DCC: variants seen among roughly 807,000 people sequenced by gnomAD.
DCC encodes netrin receptor DCC.
Under a neutral mutation model 172.5 loss-of-function variants are expected in DCC, and 58 were observed. The ratio of observed to expected loss-of-function variants is 0.34; its 90% confidence interval spans 0.27 to 0.42. The LOEUF is 0.42. Ranked by LOEUF, DCC falls within the 10% of genes least tolerant of loss-of-function variation. DCC has a pLI of 1.00. For missense variants in DCC, 1,740 were observed against 1,791.0 expected, an observed-to-expected ratio of 0.97 and a Z score of 0.51; for synonymous variants, 709 against 644.5, an observed-to-expected ratio of 1.10 and a Z score of -1.52.
At chr18:53,518,680 A>G (rs1194751536) in intron 27 of DCC, among the ~76,000 whole-genome samples, 1 of 152,076 alleles carries the variant, frequency 6.6e-6, no homozygotes, top group African/African-American at 2.4e-5. Context: ...AGCGATGCTC[A>G]CTTAATTAGT....
chr18:53,069,140 G>A (rs962711396), intron 7 of DCC, among the ~76,000 whole-genome samples: 1 of 152,082 alleles, frequency 6.6e-6, no homozygotes, highest in African/African-American at 2.4e-5. Context: ...CCTAATGGCA[G>A]GATTTATGGT....
chr18:52,906,864 T>TA (rs977706633), intron 3 of DCC, among the ~76,000 whole-genome samples: 1 of 145,174 alleles, frequency 6.9e-6, no homozygotes, highest in African/African-American at 2.5e-5. Context: ...TGTTTTTTTT[T>TA]ACCAATAAAT....
chr18:53,046,630 A>G (rs1390977250), intron 5 of DCC, among the ~76,000 whole-genome samples: 3 of 151,998 alleles, frequency 2.0e-5, no homozygotes, highest in Non-Finnish European at 2.9e-5. Context: ...AGGCAATACA[A>G]GAACCACTCC....
At chr18:52,526,217 G>A (rs2031975017) in intron 1 of DCC, among the ~76,000 whole-genome samples, 1 of 152,160 alleles carries the variant, frequency 6.6e-6, no homozygotes, top group South Asian at 2.1e-4. Flanking sequence ...AGGCCCAGTG[G>A]AGAGAAAGAA....
At chr18:53,434,780 A>G (rs2145117205) in intron 21 of DCC, among the ~76,000 whole-genome samples, 1 of 152,300 alleles carries the variant, frequency 6.6e-6, no homozygotes, top group East Asian at 1.9e-4. Flanking sequence ...TGCAGGACCT[A>G]GGAGCCAGGA....
intron 1 of DCC, among the ~76,000 whole-genome samples, chr18:52,562,642 G>A (rs1051541964): frequency 1.2e-4 from 18 of 151,944 alleles, no homozygotes; most frequent in Admixed American, 3.9e-4. Context: ...CACTGTTGCC[G>A]CACACTATGA....
At chr18:52,515,343 C>T (rs1161052306) in intron 1 of DCC, among the ~76,000 whole-genome samples, 3 of 151,888 alleles carry the variant, frequency 2.0e-5, no homozygotes, top group African/African-American at 7.3e-5. Context: ...TGTGGTGGCT[C>T]ACGCCTGTAA....
intron 5 of DCC, among the ~76,000 whole-genome samples, chr18:53,012,361 TTGA>T (rs2041742692): frequency 6.6e-6 from 1 of 151,916 alleles, no homozygotes; most frequent in Admixed American, 6.6e-5. Context: ...AATGCACAAA[TTGA>T]TGTACACTAC....
rs2038876926 is a variant in DCC, at chr18:52,845,734, C to A, written c.413-60310C>A. Among the ~76,000 whole-genome samples, 3 of 152,320 alleles carry A rather than the reference C, an allele frequency of 2.0e-5. No individual in the cohort carries two copies. In the South Asian group the frequency reaches 6.2e-4, roughly 32 times the overall value. On this transcript the variant is annotated intron_variant, in intron 2 of 28. Coordinates refer to ENST00000442544, the MANE Select transcript of DCC (RefSeq NM_005215.4). ...ACTTCAGGCAAATTAAATTTAACAG[C>A]ATTTATTTGAGTAAAGATCAAGTCA...
intron 18 of DCC, 65 bp downstream of exon 18, chr18:53,397,511 G>A (rs1909029129): frequency 1.3e-6 from 2 of 1,564,756 alleles, no homozygotes; most frequent in Middle Eastern, 1.7e-4. Flanking sequence ...GTGGAAATTA[G>A]AACATGTGTT....
At chr18:52,913,595 G>T (rs778758061) in intron 3 of DCC, among the ~76,000 whole-genome samples, 2 of 151,846 alleles carry the variant, frequency 1.3e-5, no homozygotes, top group Non-Finnish European at 2.9e-5. Flanking sequence ...ACTATTTCCT[G>T]TAAGTTCAAA....
At chr18:52,869,542 A>C (rs953147755) in intron 2 of DCC, among the ~76,000 whole-genome samples, 2 of 152,182 alleles carry the variant, frequency 1.3e-5, no homozygotes, top group African/African-American at 2.4e-5. Context: ...CCTGGCTTGA[A>C]GGTGGGGCCT....
At chr18:53,002,361 CT>C (rs1184565046) in intron 5 of DCC, among the ~76,000 whole-genome samples, 1 of 152,086 alleles carries the variant, frequency 6.6e-6, no homozygotes, top group Admixed American at 6.6e-5. Context: ...ATAAATGCCC[CT>C]GACAATACAG....
intron 16 of DCC, among the ~76,000 whole-genome samples, chr18:53,388,966 T>G (rs1321314503): frequency 6.6e-6 from 1 of 152,056 alleles, no homozygotes; most frequent in Non-Finnish European, 1.5e-5. Flanking sequence ...GTTTGTTTGT[T>G]TGAGATGGAG....
intron 1 of DCC, among the ~76,000 whole-genome samples, chr18:52,712,089 T>C (rs2036302389): frequency 6.6e-6 from 1 of 152,024 alleles, no homozygotes; most frequent in African/African-American, 2.4e-5. Context: ...GCCTCCTGAG[T>C]AGCTGGGACT....
chr18:52,814,881 G>C (rs2145256959), intron 2 of DCC, among the ~76,000 whole-genome samples: 1 of 152,288 alleles, frequency 6.6e-6, no homozygotes, highest in African/African-American at 2.4e-5. Context: ...GGTACAGTGA[G>C]TGATTAGGAC....
chr18:52,962,028 C>T (rs1441757059), intron 5 of DCC, among the ~76,000 whole-genome samples: 1 of 152,030 alleles, frequency 6.6e-6, no homozygotes, highest in Non-Finnish European at 1.5e-5. Flanking sequence ...TAGGCAATAC[C>T]ATTCAGGACA....
intron 2 of DCC, among the ~76,000 whole-genome samples, chr18:52,782,670 C>A (rs546622158): frequency 1.3e-5 from 2 of 152,132 alleles, no homozygotes; most frequent in East Asian, 3.9e-4. Flanking sequence ...ACTTGAGGAC[C>A]TTTCATGCTT....
chr18:52,697,754 A>T (rs961960134), intron 1 of DCC, among the ~76,000 whole-genome samples: 5 of 152,200 alleles, frequency 3.3e-5, no homozygotes, highest in African/African-American at 1.2e-4. Flanking sequence ...TTCTAAACAT[A>T]AAAGTGAATA....
Sources: gnomAD v4.1 joint callset for allele counts (sites outside exome capture counted in the v4.1 genomes callset) on GRCh38, gnomAD v4.1.1 for gene constraint, MANE v1.5 for transcripts, NCBI Gene and HGNC (gene_info 2026-07-23, HGNC 2026-07-21) for gene names.